HTT: variants seen among roughly 807,000 people sequenced by gnomAD.
HTT encodes huntington disease protein.
In HTT, 104 loss-of-function variants were observed where a neutral mutation model predicts 362.3. The observed-to-expected ratio is 0.29, with a 90% confidence interval of 0.24 to 0.34. The LOEUF (loss-of-function observed/expected upper bound fraction) is 0.34, where lower values mean the gene tolerates loss of function less well. Ranked by LOEUF, HTT falls within the 10% of genes least tolerant of loss-of-function variation. The probability of loss-of-function intolerance (pLI) is 1.00; values close to 1 mark genes in which losing one functional copy is unlikely to be tolerated. For synonymous variants in HTT, 1,577 were observed against 1,548.7 expected, an observed-to-expected ratio of 1.02 and a Z score of -0.43; for missense variants, 3,301 against 3,928.6, an observed-to-expected ratio of 0.84 and a Z score of 4.27.
chr4:3,193,569 G>A (rs552581738), intron 40 of HTT, among the ~76,000 whole-genome samples: 1 of 152,236 alleles, frequency 6.6e-6, no homozygotes, highest in East Asian at 1.9e-4. Context: ...TTATTGCGCT[G>A]ATTTCCTCTC....
Position 3,121,437 on chromosome 4 carries a change from G to A in HTT, c.1273+5G>A. On this transcript the variant is annotated splice_donor_5th_base_variant and intron_variant, in intron 9 of 66. Transcript: ENST00000355072. Reference sequence around the variant, plus strand: ...GGAGTATTGTGGAACTTATAGGCAAGTTATTAGCAAGGTCTACTCTTACAA... The same window carrying A: ...GGAGTATTGTGGAACTTATAGGCAAATTATTAGCAAGGTCTACTCTTACAA... 6.2e-7 allele frequency: 1 copy of A among 1,600,968 alleles called. No homozygotes were observed. The highest frequency in any genetic ancestry group is 1.1e-5 in the South Asian group (1 of 90,734).
Position 3,131,721 on chromosome 4 carries a change from G to A in HTT, c.2182G>A (p.Glu728Lys). The A allele has an allele frequency of 6.2e-7, 1 of 1,614,138 alleles. No homozygotes were observed. Among genetic ancestry groups the A allele is most frequent in the Non-Finnish European group, 8.5e-7 (1 of 1,180,008 alleles). ...CVGAAVALHP[E>K]SFFSKLYKVP... ...GGGAGCAGCTGTGGCCCTCCACCCG[G>A]AATCTTTCTTCAGCAAACTCTATAA... The change falls in exon 16 of 67, where the codon GAA becomes AAA. Residue 728 changes from glutamate to lysine, a missense_variant. Glu to Lys is a moderately conservative substitution (Grantham distance 56). Around this residue, in one of 4 missense-constraint regions of HTT, gnomAD observed 2,316 missense variants for 2,658.5 expected, o/e 0.87. Transcript: ENST00000355072.
intron 37 of HTT, among the ~76,000 whole-genome samples, chr4:3,182,982 C>G (rs1028681950): frequency 6.6e-6 from 1 of 152,118 alleles, no homozygotes; most frequent in African/African-American, 2.4e-5. Context: ...CCAGGTTCAA[C>G]CAATTCTCCC....
chr4:3,147,972 G>A (rs1264858872), intron 25 of HTT, 33 bp from the exon 26 acceptor site: 3 of 1,544,498 alleles, frequency 1.9e-6, no homozygotes, highest in Middle Eastern at 2.0e-4. Context: ...ATGCTATTGG[G>A]GTGGAGAGGT....
intron 23 of HTT, among the ~76,000 whole-genome samples, chr4:3,143,436 CAAAAAAAAAAAA>C (rs1056047426): frequency 4.3e-4 from 30 of 70,230 alleles, no homozygotes; most frequent in Admixed American, 3.1e-3. Context: ...GACTCTGTCT[CAAAAAAAAAAAA>C]AAAAAAAGAA....
intron 60 of HTT, among the ~76,000 whole-genome samples, chr4:3,231,474 A>C (rs1721247013): frequency 6.6e-6 from 1 of 152,148 alleles, no homozygotes; most frequent in Admixed American, 6.5e-5. Context: ...TGTCTGGGTC[A>C]CACAAAATGC....
intron 33 of HTT, among the ~76,000 whole-genome samples, chr4:3,175,563 C>T (rs968215565): frequency 1.3e-5 from 2 of 152,176 alleles, no homozygotes; most frequent in African/African-American, 4.8e-5. Flanking sequence ...TGGAATTTAG[C>T]AGGACAGTAA....
In HTT at chr4:3,206,925, G is replaced by T. The variant is rs762427543; in HGVS notation, c.6017G>T (p.Arg2006Leu). 7.4e-6 allele frequency: 12 copies of T among 1,613,886 alleles called. No homozygotes were observed. The highest frequency in any genetic ancestry group is 1.6e-4 in the Middle Eastern group (1 of 6,084). The change falls in exon 44 of 67, where the codon CGC becomes CTC. Residue 2006 changes from arginine to leucine, a missense_variant. Coordinates refer to ENST00000355072, the MANE Select transcript of HTT (RefSeq NM_001388492.1). The surrounding 1 kb of genome is among the most constrained non-coding windows in gnomAD (Gnocchi z 4.6). Reference sequence around the variant, plus strand: ...TGCACCCCTTTCCGTGTGCTGGCTCGCATGGTCGACATCCTTGCTTGTCGC... The same window carrying T: ...TGCACCCCTTTCCGTGTGCTGGCTCTCATGGTCGACATCCTTGCTTGTCGC... ...LLCTPFRVLA[R>L]MVDILACRRV...
intron 16 of HTT, 148 bp from the exon 17 acceptor site, chr4:3,132,414 C>A: frequency 3.5e-6 from 2 of 577,354 alleles, no homozygotes; most frequent in Non-Finnish European, 3.0e-6. Flanking sequence ...TTTTTTTAAT[C>A]ACTTAGGGTT....
At chr4:3,210,177 A>G (rs1720084762) in intron 47 of HTT, among the ~76,000 whole-genome samples, 1 of 152,114 alleles carries the variant, frequency 6.6e-6, no homozygotes, top group African/African-American at 2.4e-5. Context: ...CGAGACAGAA[A>G]AGCACATTGT....
intron 44 of HTT, 52 bp downstream of exon 44, chr4:3,207,035 C>A: frequency 6.6e-7 from 1 of 1,518,148 alleles, no homozygotes; most frequent in Non-Finnish European, 8.9e-7. Flanking sequence ...TTTAGCAGGC[C>A]AAGCAAAACA....
intron 59 of HTT, 130 bp downstream of exon 59, chr4:3,229,139 A>C: frequency 3.7e-6 from 3 of 812,552 alleles, no homozygotes; most frequent in Non-Finnish European, 1.9e-6. Flanking sequence ...TGCAACACAC[A>C]CACAGGCCAC....
At chr4:3,186,755 A>G (rs751696296) in intron 38 of HTT, 36 bp downstream of exon 38, 2 of 1,586,776 alleles carry the variant, frequency 1.3e-6, no homozygotes, top group Non-Finnish European at 1.7e-6. Context: ...ATGAATCTGG[A>G]CGGCTTGTTC....
At chr4:3,197,849 C>T (rs937167154) in intron 40 of HTT, among the ~76,000 whole-genome samples, 4 of 152,238 alleles carry the variant, frequency 2.6e-5, no homozygotes, top group Non-Finnish European at 4.4e-5. Flanking sequence ...CCCTACATCC[C>T]GGGTCTGTCC....
rs775777971 is a variant in HTT at position 3,127,618 on chromosome 4, G to C, written c.1743+14G>C. The C allele has an allele frequency of 5.8e-5, 91 of 1,569,274 alleles. No individual in the cohort carries two copies. Among genetic ancestry groups the C allele is most frequent in the Non-Finnish European group, 3.5e-6 (4 of 1,143,382 alleles). Reference sequence around the variant, plus strand: ...AGTTCTGAAATTGTAAGTGGGCAGAGGGGCCTGACATCTTTTTTTTTATTT... The same window carrying C: ...AGTTCTGAAATTGTAAGTGGGCAGACGGGCCTGACATCTTTTTTTTTATTT... On this transcript the variant is annotated intron_variant, in intron 12 of 66. Transcript: ENST00000355072.
chr4:3,223,923 T>C, intron 55 of HTT, 69 bp from the exon 56 acceptor site: 1 of 1,540,130 alleles, frequency 6.5e-7, no homozygotes, highest in East Asian at 2.2e-5. Flanking sequence ...GGAGGGAAAG[T>C]TCTGGTGTTT....
chr4:3,208,315 T>A (rs897694111), intron 45 of HTT, among the ~76,000 whole-genome samples: 4 of 152,244 alleles, frequency 2.6e-5, no homozygotes, highest in Admixed American at 2.6e-4. Context: ...TAAAAGATTA[T>A]AAATATCTTG....
chr4:3,131,405 C>G lies in HTT; in HGVS notation c.2098+8C>G. 1.3e-6 allele frequency: 2 copies of G among 1,596,972 alleles called. No homozygotes were observed. The highest frequency in any genetic ancestry group is 2.2e-5 in the East Asian group (1 of 44,788). On this transcript the variant is annotated splice_region_variant and intron_variant, in intron 15 of 66. Transcript: ENST00000355072. ...TAACAGGGGGAAAAAATGGTGAGTA[C>G]AAAAGGGGATGTGCACAGTTGAAGG...
rs373950657 is a variant in HTT at position 3,162,530 on chromosome 4, C to T, written c.3864+2138C>T. Among the ~76,000 whole-genome samples the T allele has an allele frequency of 1.6e-3, 241 of 152,316 alleles. 1 individual carries two copies. The highest frequency in any genetic ancestry group is 5.5e-3 in the African/African-American group (230 of 41,568). ...TTACTTTGGGCAGCAAGGCCATTTT[C>T]ACGATATTGATTCGTCCTATCCATG... On this transcript the variant is annotated intron_variant, in intron 29 of 66. Transcript: ENST00000355072.
Sources: gnomAD v4.1 joint callset for allele counts (sites outside exome capture counted in the v4.1 genomes callset) on GRCh38, gnomAD v4.1.1 for gene constraint, gnomAD v4.1.1 regional missense constraint, Gnocchi (gnomAD v3.1) non-coding constraint, MANE v1.5 for transcripts, NCBI Gene and HGNC (gene_info 2026-07-23, HGNC 2026-07-21) for gene names.